Variants in SCHIP1 observed in about 807,000 individuals in gnomAD.
SCHIP1 encodes the protein schwannomin interacting protein 1.
Under a neutral mutation model 29.7 loss-of-function variants are expected in SCHIP1, and 8 were observed. That is an observed-to-expected ratio of 0.27 (90% CI 0.16 to 0.49). The LOEUF (loss-of-function observed/expected upper bound fraction) is 0.49, where lower values mean the gene tolerates loss of function less well. Ranked by LOEUF, SCHIP1 falls within the 20% of genes least tolerant of loss-of-function variation. The pLI, the probability that SCHIP1 is intolerant of heterozygous loss-of-function variation, is 0.99. For synonymous variants in SCHIP1, 76 were observed against 94.9 expected (o/e 0.80, Z 1.16); for missense variants, 193 against 294.6 (o/e 0.66, Z 2.52).
the SCHIP1 span, among the ~76,000 whole-genome samples, chr3:159,698,971 T>C: frequency 2.0e-5 from 3 of 152,168 alleles, no homozygotes; most frequent in Non-Finnish European, 4.4e-5. Flanking sequence ...TAAGACCACT[T>C]CTAGCTCTAC....
the SCHIP1 span, among the ~76,000 whole-genome samples, chr3:159,667,182 C>T: frequency 6.6e-5 from 10 of 151,974 alleles, no homozygotes; most frequent in African/African-American, 2.4e-4. Flanking sequence ...ACCAAGATGC[C>T]CAAAGCAGAC....
the SCHIP1 span, among the ~76,000 whole-genome samples, chr3:159,449,155 C>T: frequency 2.4e-3 from 371 of 152,298 alleles, 4 homozygotes; most frequent in East Asian, 0.066. Context: ...ACCTGATGTC[C>T]TTCTGCCTTG....
At chr3:159,296,015 T>C in the SCHIP1 span, among the ~76,000 whole-genome samples, 52 of 152,286 alleles carry the variant, frequency 3.4e-4, no homozygotes, top group African/African-American at 1.2e-3. Flanking sequence ...TTTTTTGCAC[T>C]AGGATGCACA....
chr3:159,607,774 G>A, the SCHIP1 span, among the ~76,000 whole-genome samples: 3 of 152,088 alleles, frequency 2.0e-5, no homozygotes, highest in Non-Finnish European at 4.4e-5. Context: ...GAAGAATGAG[G>A]GATATCTGAT....
the SCHIP1 span, among the ~76,000 whole-genome samples, chr3:159,568,080 T>C: frequency 7.2e-5 from 11 of 152,062 alleles, no homozygotes; most frequent in Admixed American, 7.2e-4. Context: ...GGCACCTCTT[T>C]TTATATTTTT....
At chr3:159,358,526 G>T in the SCHIP1 span, among the ~76,000 whole-genome samples, 1 of 152,178 alleles carries the variant, frequency 6.6e-6, no homozygotes, top group African/African-American at 2.4e-5. Flanking sequence ...TGCACAGCAG[G>T]TGCTGCAGGG....
chr3:159,358,690 A>G, the SCHIP1 span, among the ~76,000 whole-genome samples: 4 of 152,150 alleles, frequency 2.6e-5, no homozygotes, highest in Non-Finnish European at 4.4e-5. Context: ...GCCAAAAACA[A>G]AACACAGGTG....
chr3:159,388,164 A>ATT, the SCHIP1 span, among the ~76,000 whole-genome samples: 4 of 152,090 alleles, frequency 2.6e-5, no homozygotes, highest in African/African-American at 7.2e-5. Context: ...GCAAATTATA[A>ATT]TTTTTTTATA....
the SCHIP1 span, among the ~76,000 whole-genome samples, chr3:159,767,940 A>G: frequency 6.6e-6 from 1 of 152,186 alleles, no homozygotes; most frequent in Non-Finnish European, 1.5e-5. Context: ...ATTGCCTGGA[A>G]CATGCCTGGG....
chr3:159,831,279 C>T, the SCHIP1 span, among the ~76,000 whole-genome samples: 3 of 152,134 alleles, frequency 2.0e-5, no homozygotes, highest in African/African-American at 7.2e-5. Flanking sequence ...CTTTTCATCC[C>T]TTTCTATGCT....
At chr3:159,642,679 G>A in the SCHIP1 span, among the ~76,000 whole-genome samples, 1 of 152,076 alleles carries the variant, frequency 6.6e-6, no homozygotes, top group Non-Finnish European at 1.5e-5. Flanking sequence ...CAACATCTGA[G>A]GATATAAAAT....
At chr3:159,803,503 A>AT in the SCHIP1 span, among the ~76,000 whole-genome samples, 1 of 152,122 alleles carries the variant, frequency 6.6e-6, no homozygotes, top group South Asian at 2.1e-4. Flanking sequence ...CATATCCTTT[A>AT]TTTTTTTGAG....
chr3:159,508,106 T>C, the SCHIP1 span, among the ~76,000 whole-genome samples: 1 of 152,196 alleles, frequency 6.6e-6, no homozygotes, highest in Non-Finnish European at 1.5e-5. Context: ...CTGGACTTTT[T>C]TGGTCGGTAA....
intron 2 of SCHIP1, among the ~76,000 whole-genome samples, chr3:159,870,725 G>A (rs1371071584): frequency 2.0e-5 from 3 of 151,732 alleles, no homozygotes; most frequent in Admixed American, 6.6e-5. Context: ...GGATTGTTAG[G>A]TTTATATTCA....
At chr3:159,338,778 G>A in the SCHIP1 span, among the ~76,000 whole-genome samples, 1 of 152,070 alleles carries the variant, frequency 6.6e-6, no homozygotes, top group Non-Finnish European at 1.5e-5. Flanking sequence ...TGGATGCTAT[G>A]GTTTTTAAGA....
the SCHIP1 span, among the ~76,000 whole-genome samples, chr3:159,741,879 CTT>C: frequency 1.3e-5 from 2 of 152,140 alleles, no homozygotes; most frequent in African/African-American, 2.4e-5. Flanking sequence ...TTTGATCAGT[CTT>C]AGACTAATCA....
At chr3:159,848,716 G>A (rs1712176290) in intron 1 of SCHIP1, among the ~76,000 whole-genome samples, 1 of 152,002 alleles carries the variant, frequency 6.6e-6, no homozygotes, top group Non-Finnish European at 1.5e-5. Flanking sequence ...AGTGGGACTG[G>A]AGGGCTTACA....
At chr3:159,301,154 A>T in the SCHIP1 span, among the ~76,000 whole-genome samples, 2 of 152,160 alleles carry the variant, frequency 1.3e-5, no homozygotes, top group East Asian at 3.9e-4. Flanking sequence ...TAATTAACAC[A>T]CTTAAGCCTC....
the SCHIP1 span, among the ~76,000 whole-genome samples, chr3:159,773,051 C>T: frequency 6.6e-6 from 1 of 152,218 alleles, no homozygotes; most frequent in African/African-American, 2.4e-5. Flanking sequence ...TACATTTGCA[C>T]TTTAAAATAG....
Sources: allele counts gnomAD v4.1 joint callset (sites outside exome capture counted in the v4.1 genomes callset), GRCh38; gene constraint gnomAD v4.1.1; transcripts MANE v1.5; gene names NCBI Gene and HGNC (gene_info 2026-07-23, HGNC 2026-07-21).